Variants in REEP1 observed in about 807,000 individuals in gnomAD.
REEP1 encodes the protein receptor expression-enhancing protein 1.
A neutral mutation model predicts 40.3 loss-of-function variants in REEP1; 22 were observed. The ratio of observed to expected loss-of-function variants is 0.55; its 90% CI spans 0.39 to 0.78. The LOEUF is 0.78. Among genes scored for constraint, REEP1 ranks in the 30% least tolerant of loss-of-function variants. The pLI, the probability that REEP1 is intolerant of heterozygous loss-of-function variation, is 0.00. For missense variants in REEP1, 280 were observed against 361.1 expected, an observed-to-expected ratio of 0.78 and a Z score of 1.82; for synonymous variants, 116 against 139.2, an observed-to-expected ratio of 0.83 and a Z score of 1.17.
At chr2:86,271,091 C>T (rs151269073) in intron 2 of REEP1, among the ~76,000 whole-genome samples, 1 of 151,892 alleles carries the variant, frequency 6.6e-6, no homozygotes, top group Non-Finnish European at 1.5e-5. Context: ...ACTTGGGAGG[C>T]TGAGGCACAA....
chr2:86,272,017 G>C (rs1558904684), intron 2 of REEP1, among the ~76,000 whole-genome samples: 1 of 152,200 alleles, frequency 6.6e-6, no homozygotes, highest in Admixed American at 6.5e-5. Flanking sequence ...GAGGTCAGGA[G>C]TTTGAGACTA....
intron 3 of REEP1, among the ~76,000 whole-genome samples, chr2:86,256,347 CA>C (rs35885517): frequency 0.58 from 58,188 of 100,206 alleles, 15,184 homozygotes; most frequent in African/African-American, 0.79. Context: ...GATTCCATCT[CA>C]AAAAAAAAAA....
chr2:86,317,104 AC>A (rs1209988494), intron 1 of REEP1, among the ~76,000 whole-genome samples: 1 of 152,068 alleles, frequency 6.6e-6, no homozygotes, highest in East Asian at 1.9e-4. Flanking sequence ...CAATTGTCAG[AC>A]CTGGGTCTAA....
chr2:86,275,240 G>A (rs1677694968), intron 2 of REEP1, among the ~76,000 whole-genome samples: 1 of 150,292 alleles, frequency 6.7e-6, no homozygotes, highest in Non-Finnish European at 1.5e-5. Context: ...GAGCGGGAAA[G>A]TGAAATTCCC....
In REEP1 at chr2:86,227,374, C is replaced by T. The variant is rs1273608179; in HGVS notation, c.620G>A (p.Arg207Lys). 8.1e-7 allele frequency: 1 copy of T among 1,232,224 alleles called. No individual in the cohort carries two copies. Among genetic ancestry groups the T allele is most frequent in the Non-Finnish European group, 1.0e-6 (1 of 988,136 alleles). 76.3% of individuals were successfully genotyped at this position (1,232,224 alleles called of 1,614,324 possible). ...SSVCTCCSTCRTWKVVEGDVN... is the reference protein window; with the variant it reads ...SSVCTCCSTCKTWKVVEGDVN... ...GGCTGCTTACTCACCTTTCCAGGTC[C>T]TGCAGGTGGAGCAGCAGGTACACAC... The change falls in exon 7 of 9, where the codon AGG (arginine) becomes AAG (lysine). Residue 207 changes from arginine to lysine, a missense_variant. By Grantham distance (26) the Arg-to-Lys change is conservative. Coordinates refer to ENST00000538924, the MANE Select transcript of REEP1 (RefSeq NM_001371279.1).
chr2:86,240,613 G>A lies in REEP1; in HGVS notation c.418-7811C>T, dbSNP rs187698058. On this transcript the variant is annotated intron_variant, in intron 5 of 8. Transcript: ENST00000538924. The stretch of plus-strand genomic sequence containing the variant: ...CTGGGGAGAAGAGGCTTTGGTGCCA[G>A]TGAGTAAAAGGAGACCAGCCTGGGA... Among the ~76,000 whole-genome samples the A allele has an allele frequency of 1.2e-3, 176 of 152,350 alleles. 2 individuals are homozygous for A. Among genetic ancestry groups the A allele is most frequent in the African/African-American group, 3.4e-3 (141 of 41,582 alleles).
chr2:86,333,238 A>G (rs1016463811), intron 1 of REEP1, among the ~76,000 whole-genome samples: 1 of 151,940 alleles, frequency 6.6e-6, no homozygotes, highest in Admixed American at 6.6e-5. Context: ...TTTTTTTTCC[A>G]TTTGTTTTGC....
At chr2:86,316,893 T>C (rs567458169) in intron 1 of REEP1, among the ~76,000 whole-genome samples, 3 of 152,248 alleles carry the variant, frequency 2.0e-5, no homozygotes, top group East Asian at 1.9e-4. Context: ...AAGGAGACCA[T>C]GGTTTCGGGC....
In REEP1 at chr2:86,337,589, C is replaced by G; in HGVS notation, c.-79G>C. 2.6e-6 allele frequency: 3 copies of G among 1,170,744 alleles called. No individual in the cohort carries two copies. The highest frequency in any genetic ancestry group is 3.2e-6 in the Non-Finnish European group (3 of 950,250). The allele number at this position is 1,170,744 out of a possible 1,614,324, so 72.5% of individuals were successfully genotyped here. A position where few individuals can be genotyped will look rare whatever the true frequency, so the allele number is the denominator to read the frequency against. ...GCGGCGCGGGCTGCTGCGGCGTTCC[C>G]GGAACGTCAGTCAGCTCACGGCAGC... On this transcript the variant is annotated 5_prime_UTR_variant, in exon 1 of 9. Transcript: ENST00000538924. This position sits in a 1 kb window ranked among gnomAD's most constrained non-coding sequence, Gnocchi z 5.8.
intron 2 of REEP1, among the ~76,000 whole-genome samples, chr2:86,272,408 C>T (rs1677509090): frequency 6.6e-6 from 1 of 152,170 alleles, no homozygotes; most frequent in Non-Finnish European, 1.5e-5. Flanking sequence ...GTGTAAGAAA[C>T]CTCTTTTCAG....
chr2:86,317,806 C>A (rs890444040), intron 1 of REEP1, among the ~76,000 whole-genome samples: 3 of 152,184 alleles, frequency 2.0e-5, no homozygotes, highest in African/African-American at 7.2e-5. Context: ...CTGCTGCATA[C>A]TAAAGTATAA....
chr2:86,312,872 G>A (rs1434586633), intron 1 of REEP1, among the ~76,000 whole-genome samples: 2 of 152,086 alleles, frequency 1.3e-5, no homozygotes, highest in East Asian at 3.8e-4. Flanking sequence ...TTTAGGTCTG[G>A]GAATCAAGGC....
intron 3 of REEP1, among the ~76,000 whole-genome samples, chr2:86,256,127 T>C (rs1676543297): frequency 6.6e-6 from 1 of 151,816 alleles, no homozygotes; most frequent in South Asian, 2.1e-4. Flanking sequence ...GGTGGGTGGA[T>C]CACAAGGTCA....
chr2:86,255,911 G>T (rs1401527038), intron 3 of REEP1, among the ~76,000 whole-genome samples: 1 of 152,074 alleles, frequency 6.6e-6, no homozygotes, highest in Non-Finnish European at 1.5e-5. Context: ...AACAACCCGA[G>T]CAACCATATT....
intron 5 of REEP1, among the ~76,000 whole-genome samples, chr2:86,247,213 G>C (rs1676017797): frequency 6.6e-6 from 1 of 152,294 alleles, no homozygotes; most frequent in South Asian, 2.1e-4. Context: ...GGGTTCTTGA[G>C]AAGTGTTTCC....
intron 6 of REEP1, among the ~76,000 whole-genome samples, chr2:86,231,893 G>A (rs536096631): frequency 6.6e-6 from 1 of 152,294 alleles, no homozygotes; most frequent in African/African-American, 2.4e-5. Context: ...CACACTTCTG[G>A]GTCTCACCCC....
At chr2:86,305,980 T>C (rs1282514807) in intron 1 of REEP1, among the ~76,000 whole-genome samples, 1 of 152,206 alleles carries the variant, frequency 6.6e-6, no homozygotes. Context: ...GCTAAGAATA[T>C]TGGAGTAAAG....
At chr2:86,322,721 T>C (rs1680324920) in intron 1 of REEP1, among the ~76,000 whole-genome samples, 1 of 152,164 alleles carries the variant, frequency 6.6e-6, no homozygotes, top group African/African-American at 2.4e-5. Flanking sequence ...CCCGAAGTGC[T>C]AGGATTACAG....
chr2:86,277,714 G>A (rs1041107033), intron 2 of REEP1, among the ~76,000 whole-genome samples: 1 of 152,184 alleles, frequency 6.6e-6, no homozygotes, highest in Non-Finnish European at 1.5e-5. Flanking sequence ...AGCATGAATT[G>A]GATGGCGGAA....
Sources: allele counts gnomAD v4.1 joint callset (sites outside exome capture counted in the v4.1 genomes callset), GRCh38; gene constraint gnomAD v4.1.1; non-coding constraint Gnocchi (gnomAD v3.1); transcripts MANE v1.5; gene names NCBI Gene and HGNC (gene_info 2026-07-23, HGNC 2026-07-21).